The following CNTN5 variants were observed in gnomAD, a reference collection of about 807,000 sequenced individuals.
The protein encoded by CNTN5 is contactin 5.
A neutral mutation model predicts 129.1 loss-of-function variants in CNTN5; 77 were observed. That is an observed-to-expected ratio of 0.60 (90% CI 0.50 to 0.72). The LOEUF (loss-of-function observed/expected upper bound fraction) is 0.72, where lower values mean the gene tolerates loss of function less well. Among genes scored for constraint, CNTN5 ranks in the 30% least tolerant of loss-of-function variants. The pLI is 0.00. For missense variants in CNTN5, 1,478 were observed against 1,328.8 expected, an observed-to-expected ratio of 1.11 and a Z score of -1.75; for synonymous variants, 509 against 465.6, an observed-to-expected ratio of 1.09 and a Z score of -1.20.
intron 3 of CNTN5, among the ~76,000 whole-genome samples, chr11:99,658,720 T>A (rs12807885): frequency 0.053 from 7,217 of 136,816 alleles, 204 homozygotes; most frequent in East Asian, 0.11. Flanking sequence ...AAAAAAAAAA[T>A]ATATATATAT....
chr11:99,864,813 TCA>T (rs899881943), intron 6 of CNTN5, among the ~76,000 whole-genome samples: 1 of 151,980 alleles, frequency 6.6e-6, no homozygotes, highest in African/African-American at 2.4e-5. Flanking sequence ...TTATAATCAC[TCA>T]CATATAAATA....
chr11:100,197,467 G>A (rs557071583), intron 15 of CNTN5, among the ~76,000 whole-genome samples: 1 of 152,084 alleles, frequency 6.6e-6, no homozygotes, highest in South Asian at 2.1e-4. Context: ...ATCGTTGTAA[G>A]TGTTGACCTT....
At chr11:100,208,145 G>A (rs1022142678) in intron 15 of CNTN5, among the ~76,000 whole-genome samples, 11 of 152,122 alleles carry the variant, frequency 7.2e-5, no homozygotes, top group African/African-American at 2.4e-4. Context: ...ATAAGAAGTT[G>A]TTATCCTAAA....
Position 100,299,177 on chromosome 11 carries a change from T to G in CNTN5, c.2401T>G (p.Phe801Val), listed in dbSNP as rs753814548. ...VIAWEPVSEE[F>V]QNGEGFGYIV... ...TCTTCTTTAGCCAGTATCTGAAGAG[T>G]TTCAGAATGGGGAAGGCTTCGGCTA... The change falls in exon 20 of 25, where the codon TTT becomes GTT. Residue 801 changes from phenylalanine to valine, a missense_variant. By Grantham distance (50) the Phe-to-Val change is conservative. Transcript: ENST00000524871. 2.1e-5 allele frequency: 34 copies of G among 1,603,168 alleles called. No individual in the cohort carries two copies. The highest frequency in any genetic ancestry group is 2.8e-5 in the Non-Finnish European group (33 of 1,172,986).
chr11:100,142,795 G>A (rs1168735589), intron 13 of CNTN5, among the ~76,000 whole-genome samples: 1 of 151,942 alleles, frequency 6.6e-6, no homozygotes, highest in Non-Finnish European at 1.5e-5. Context: ...ATGTGAATAA[G>A]TTCAGGAAAG....
At chr11:99,024,475 T>A (rs4754575) in intron 1 of CNTN5, among the ~76,000 whole-genome samples, 43,232 of 152,012 alleles carry the variant, frequency 0.28, 7,544 homozygotes, top group East Asian at 0.56. Context: ...AAGTATTGAA[T>A]TGAATCCCAA....
intron 3 of CNTN5, among the ~76,000 whole-genome samples, chr11:99,733,319 C>A (rs1943595516): frequency 1.7e-5 from 2 of 115,500 alleles, no homozygotes; most frequent in Non-Finnish European, 1.7e-5. Flanking sequence ...GAGATTCTGT[C>A]TCAAAAAAAA....
At chr11:99,186,336 G>C (rs1858349606) in intron 1 of CNTN5, among the ~76,000 whole-genome samples, 4 of 151,908 alleles carry the variant, frequency 2.6e-5, no homozygotes, top group Admixed American at 2.6e-4. Context: ...TTAGATTGCA[G>C]TAATGTTCAC....
rs1351464783 is a variant in CNTN5 at position 99,721,930 on chromosome 11, A to G, written c.56-97614A>G. On this transcript the variant is annotated intron_variant, in intron 3 of 24. Coordinates refer to ENST00000524871, the MANE Select transcript of CNTN5 (RefSeq NM_014361.4). ...TAGATAAATGCAAATCAAAACCACAATGAGATAGCATCTCGCACCTGTCAG... is the reference window on the plus strand; with the variant it reads ...TAGATAAATGCAAATCAAAACCACAGTGAGATAGCATCTCGCACCTGTCAG... Among the ~76,000 whole-genome samples, 6 of 152,192 alleles carry G rather than the reference A, an allele frequency of 3.9e-5. No individual in the cohort carries two copies. In the East Asian group the frequency reaches 1.2e-3, roughly 29 times the overall value.
At chr11:99,343,186 A>T (rs1565506382) in intron 2 of CNTN5, among the ~76,000 whole-genome samples, 1 of 152,160 alleles carries the variant, frequency 6.6e-6, no homozygotes, top group Non-Finnish European at 1.5e-5. Flanking sequence ...TCACCTGGGA[A>T]ATGATGAAAG....
chr11:100,288,616 C>G (rs1335679390), intron 18 of CNTN5, among the ~76,000 whole-genome samples: 162 of 150,292 alleles, frequency 1.1e-3, no homozygotes, highest in African/African-American at 3.0e-3. Context: ...GCAGTGTGTA[C>G]AGGGAAATTT....
At chr11:99,308,692 T>C (rs1344979085) in intron 1 of CNTN5, among the ~76,000 whole-genome samples, 2 of 152,212 alleles carry the variant, frequency 1.3e-5, no homozygotes, top group Non-Finnish European at 1.5e-5. Flanking sequence ...ATTGATTTTG[T>C]CCAATAAATA....
intron 3 of CNTN5, among the ~76,000 whole-genome samples, chr11:99,648,086 A>G (rs1389467348): frequency 6.6e-6 from 1 of 151,892 alleles, no homozygotes; most frequent in African/African-American, 2.4e-5. Flanking sequence ...TATTGTGTTG[A>G]GGTACTTTCC....
At chr11:99,799,510 C>T (rs1243203820) in intron 3 of CNTN5, among the ~76,000 whole-genome samples, 2 of 151,680 alleles carry the variant, frequency 1.3e-5, no homozygotes, top group Non-Finnish European at 2.9e-5. Context: ...ATCATCATGT[C>T]GTTTTTGTTT....
In CNTN5 at chr11:100,290,063, C is replaced by T. The variant is rs537813107; in HGVS notation, c.2315-7562C>T. Among the ~76,000 whole-genome samples the T allele has an allele frequency of 1.4e-3, 205 of 150,192 alleles. 3 individuals are homozygous for T. Among genetic ancestry groups the T allele is most frequent in the Non-Finnish European group, 1.1e-3 (71 of 67,376 alleles). On this transcript the variant is annotated intron_variant, in intron 18 of 24. Coordinates refer to ENST00000524871, the MANE Select transcript of CNTN5 (RefSeq NM_014361.4). ...CCAACTTACAAGGGATGTGAAGGAC[C>T]TCTTCAAGGAGAACTACAAACCACT...
intron 2 of CNTN5, among the ~76,000 whole-genome samples, chr11:99,476,769 AG>A (rs1446436269): frequency 6.6e-6 from 1 of 152,136 alleles, no homozygotes; most frequent in African/African-American, 2.4e-5. Context: ...TGACATATTA[AG>A]GATTTTAGCA....
chr11:99,817,385 G>A (rs944282259), intron 3 of CNTN5, among the ~76,000 whole-genome samples: 4 of 152,140 alleles, frequency 2.6e-5, no homozygotes, highest in African/African-American at 9.7e-5. Flanking sequence ...GCTCATCTCT[G>A]TATGGAGTGG....
chr11:99,243,704 T>C (rs547871548), intron 1 of CNTN5, among the ~76,000 whole-genome samples: 1 of 151,992 alleles, frequency 6.6e-6, no homozygotes, highest in Non-Finnish European at 1.5e-5. Context: ...CCAGTATCTT[T>C]TATTCAATAG....
In CNTN5 at chr11:99,336,685, C is replaced by T. The variant is rs904719785; in HGVS notation, c.-71+11201C>T. Among the ~76,000 whole-genome samples, 13 of 151,868 alleles carry T rather than the reference C, an allele frequency of 8.6e-5. 1 individual carries two copies. In the South Asian group the frequency reaches 1.0e-3, roughly 12 times the overall value. On this transcript the variant is annotated intron_variant, in intron 2 of 24. Transcript: ENST00000524871. ...TGAGACTCCGTCTCTACTAAAAGTACGACAATTAGCTGGGCATGGTGCTGG... is the reference window on the plus strand; with the variant it reads ...TGAGACTCCGTCTCTACTAAAAGTATGACAATTAGCTGGGCATGGTGCTGG...
Sources: allele counts gnomAD v4.1 joint callset (sites outside exome capture counted in the v4.1 genomes callset), GRCh38; gene constraint gnomAD v4.1.1; transcripts MANE v1.5; gene names NCBI Gene and HGNC (gene_info 2026-07-23, HGNC 2026-07-21).